DPP10: variants seen among roughly 807,000 people sequenced by gnomAD.
DPP10 encodes dipeptidyl peptidase like 10, also known as inactive dipeptidyl peptidase 10.
DPP10 carries 33 observed loss-of-function variants against 120.9 expected under a neutral mutation model. The observed-to-expected ratio is 0.27, with a 90% CI of 0.21 to 0.37. The LOEUF (loss-of-function observed/expected upper bound fraction) is 0.37. Ranked by LOEUF, DPP10 falls within the 10% of genes least tolerant of loss-of-function variation. The pLI is 1.00. For missense variants in DPP10, 816 were observed against 942.8 expected, an observed-to-expected ratio of 0.87 and a Z score of 1.76; for synonymous variants, 337 against 326.1, an observed-to-expected ratio of 1.03 and a Z score of -0.36.
In DPP10 at chr2:115,100,240, G is replaced by A. The variant is rs545124345; in HGVS notation, c.61-208999G>A. Among the ~76,000 whole-genome samples the A allele has an allele frequency of 9.2e-5, 14 of 152,232 alleles. No homozygotes were observed. In the East Asian group the frequency reaches 1.7e-3, roughly 19 times the overall value. ...CAAGAGGATCACTTGACATGAGTTCGAGGCCAGCCTGGGCAACAGGGCAAC... is the reference window on the plus strand; with the variant it reads ...CAAGAGGATCACTTGACATGAGTTCAAGGCCAGCCTGGGCAACAGGGCAAC... On this transcript the variant is annotated intron_variant, in intron 1 of 25. Coordinates refer to ENST00000410059, the MANE Select transcript of DPP10 (RefSeq NM_020868.6).
intron 1 of DPP10, chr2:114,833,317 G>T (rs575997726): frequency 4.0e-5 from 6 of 150,776 alleles, no homozygotes; most frequent in Non-Finnish European, 8.9e-5. Flanking sequence ...GCAAAAAAAT[G>T]TACTCACTTG....
In DPP10 at chr2:115,220,791, A is replaced by G. The variant is rs545175765; in HGVS notation, c.61-88448A>G. Among the ~76,000 whole-genome samples the G allele has an allele frequency of 2.0e-5, 3 of 152,236 alleles. No homozygotes were observed. In the South Asian group the frequency reaches 6.2e-4, roughly 32 times the overall value. On this transcript the variant is annotated intron_variant, in intron 1 of 25. Transcript: ENST00000410059. Reference sequence around the variant, plus strand: ...AGAAGTTCAAAAGGGAAATACAACAATAATTTGCTACTGCTGTGCCATGCA... The same window carrying G: ...AGAAGTTCAAAAGGGAAATACAACAGTAATTTGCTACTGCTGTGCCATGCA...
intron 1 of DPP10, among the ~76,000 whole-genome samples, chr2:114,556,657 A>T (rs1177780237): frequency 6.6e-6 from 1 of 151,988 alleles, no homozygotes; most frequent in Non-Finnish European, 1.5e-5. Flanking sequence ...TAGGGGGAGG[A>T]TGAGAGCAAC....
chr2:114,599,312 T>C (rs189862310), intron 1 of DPP10, among the ~76,000 whole-genome samples: 57 of 152,012 alleles, frequency 3.7e-4, no homozygotes, highest in African/African-American at 1.3e-3. Flanking sequence ...TTATACACAT[T>C]TAATTCACAA....
In DPP10 at chr2:115,272,482, A is replaced by G. The variant is rs565882697; in HGVS notation, c.61-36757A>G. Among the ~76,000 whole-genome samples the G allele has an allele frequency of 2.6e-5, 4 of 152,354 alleles. No homozygotes were observed. The South Asian group carries it at 8.3e-4, about 32-fold the overall frequency. The stretch of plus-strand genomic sequence containing the variant: ...GAAATAGTCTTTACCTTGAGCCACC[A>G]AAAAGGAAAAGAAAATAGAATCAAG... On this transcript the variant is annotated intron_variant, in intron 1 of 25. Transcript: ENST00000410059.
In DPP10 at chr2:115,166,508, A is replaced by G. The variant is rs1009620573; in HGVS notation, c.61-142731A>G. 1.0e-4 allele frequency among the ~76,000 whole-genome samples: 15 copies of G among 144,824 alleles called. No homozygotes were observed. In the East Asian group the frequency reaches 2.5e-3, roughly 25 times the overall value. Reference sequence around the variant, plus strand: ...TTTATATGTAAATATTATATATTATATAAATTTATAATATAAATATATATA... The same window carrying G: ...TTTATATGTAAATATTATATATTATGTAAATTTATAATATAAATATATATA... On this transcript the variant is annotated intron_variant, in intron 1 of 25. Coordinates refer to ENST00000410059, the MANE Select transcript of DPP10 (RefSeq NM_020868.6).
chr2:114,957,531 A>G (rs372444380), intron 1 of DPP10, among the ~76,000 whole-genome samples: 4 of 152,134 alleles, frequency 2.6e-5, no homozygotes, highest in Non-Finnish European at 4.4e-5. Context: ...TTAAAACTCT[A>G]TGGAAGTTCC....
At chr2:115,346,678 A>G (rs1474666756) in intron 3 of DPP10, among the ~76,000 whole-genome samples, 1 of 152,152 alleles carries the variant, frequency 6.6e-6, no homozygotes, top group Non-Finnish European at 1.5e-5. Flanking sequence ...CTATCCACAC[A>G]CATTTGATAA....
chr2:115,311,721 T>C (rs1304777296), intron 2 of DPP10, among the ~76,000 whole-genome samples: 1 of 152,178 alleles, frequency 6.6e-6, no homozygotes, highest in Non-Finnish European at 1.5e-5. Flanking sequence ...TCAGACTTAA[T>C]TTCATATGAT....
intron 4 of DPP10, among the ~76,000 whole-genome samples, chr2:115,506,582 A>G (rs1039661479): frequency 1.3e-5 from 2 of 152,106 alleles, no homozygotes; most frequent in African/African-American, 4.8e-5. Flanking sequence ...AGTTTTTTAT[A>G]TATATAAAAA....
chr2:115,657,008 TTAA>T (rs888571954), intron 5 of DPP10, among the ~76,000 whole-genome samples: 3 of 151,696 alleles, frequency 2.0e-5, no homozygotes, highest in African/African-American at 7.2e-5. Flanking sequence ...AGTATCTATA[TTAA>T]TAAGACAGTA....
intron 1 of DPP10, among the ~76,000 whole-genome samples, chr2:114,456,497 T>G (rs1458016648): frequency 6.6e-6 from 1 of 152,222 alleles, no homozygotes; most frequent in Non-Finnish European, 1.5e-5. Context: ...ATTCAAGTAT[T>G]TGCAAAACAT....
intron 5 of DPP10, among the ~76,000 whole-genome samples, chr2:115,615,653 C>T (rs2084438452): frequency 6.6e-6 from 1 of 151,978 alleles, no homozygotes; most frequent in East Asian, 1.9e-4. Flanking sequence ...AACTAGAGAG[C>T]ACTGTTTCAA....
At chr2:114,794,935 G>A (rs1347135543) in intron 1 of DPP10, among the ~76,000 whole-genome samples, 4 of 152,108 alleles carry the variant, frequency 2.6e-5, no homozygotes, top group African/African-American at 9.7e-5. Context: ...ATTGCGTGAG[G>A]CACATATCAC....
intron 1 of DPP10, among the ~76,000 whole-genome samples, chr2:114,937,314 A>G (rs920474451): frequency 2.0e-4 from 30 of 152,194 alleles, no homozygotes; most frequent in African/African-American, 7.2e-4. Context: ...GTGACTTGCC[A>G]ATCATCTCAG....
At chr2:115,532,334 G>A (rs2078519284) in intron 5 of DPP10, among the ~76,000 whole-genome samples, 1 of 151,954 alleles carries the variant, frequency 6.6e-6, no homozygotes, top group Admixed American at 6.6e-5. Flanking sequence ...TTGCAGAGCT[G>A]GGAGTGAATT....
chr2:115,597,230 C>T (rs566465511), intron 5 of DPP10, among the ~76,000 whole-genome samples: 2 of 152,096 alleles, frequency 1.3e-5, no homozygotes, highest in Non-Finnish European at 2.9e-5. Flanking sequence ...CCAGTCAGCA[C>T]ACTCTATAAT....
intron 1 of DPP10, among the ~76,000 whole-genome samples, chr2:114,571,571 T>C (rs980528410): frequency 3.9e-5 from 6 of 152,050 alleles, no homozygotes; most frequent in Non-Finnish European, 8.8e-5. Flanking sequence ...TGCCACTTCA[T>C]AGAGGGCAGA....
intron 1 of DPP10, chr2:115,161,962 G>A (rs1435538123): frequency 7.0e-7 from 1 of 1,433,400 alleles, no homozygotes; most frequent in Non-Finnish European, 9.1e-7. Context: ...CGGCGATGAC[G>A]GCCGCGAAGC....
Sources: gnomAD v4.1 joint callset for allele counts (sites outside exome capture counted in the v4.1 genomes callset) on GRCh38, gnomAD v4.1.1 for gene constraint, MANE v1.5 for transcripts, NCBI Gene and HGNC (gene_info 2026-07-23, HGNC 2026-07-21) for gene names.